Variants in TGFBR3 observed in about 807,000 individuals in gnomAD.
The protein encoded by TGFBR3 is transforming growth factor beta receptor 3.
TGFBR3 carries 46 observed loss-of-function variants against 87.9 expected under a neutral mutation model. The ratio of observed to expected loss-of-function variants is 0.52; its 90% confidence interval spans 0.41 to 0.67. The LOEUF (loss-of-function observed/expected upper bound fraction) is 0.67. Ranked by LOEUF, TGFBR3 falls within the 30% of genes least tolerant of loss-of-function variation. TGFBR3 has a pLI of 0.00. For synonymous variants in TGFBR3, 381 were observed against 391.6 expected, an observed-to-expected ratio of 0.97 and a Z score of 0.32; for missense variants, 866 against 1,041.9, an observed-to-expected ratio of 0.83 and a Z score of 2.32.
chr1:91,774,724 G>A (rs556306925), intron 3 of TGFBR3, among the ~76,000 whole-genome samples: 6 of 152,240 alleles, frequency 3.9e-5, no homozygotes, highest in African/African-American at 1.4e-4. Flanking sequence ...AGGGCAACAG[G>A]CAATGTGTTA....
At chr1:91,792,738 G>A (rs577076525) in intron 3 of TGFBR3, among the ~76,000 whole-genome samples, 2 of 152,300 alleles carry the variant, frequency 1.3e-5, no homozygotes, top group East Asian at 3.9e-4. Context: ...ACACAAGGGG[G>A]CGGCTGCATT....
chr1:91,787,230 G>A (rs1675003385), intron 3 of TGFBR3, among the ~76,000 whole-genome samples: 1 of 152,110 alleles, frequency 6.6e-6, no homozygotes, highest in South Asian at 2.1e-4. Context: ...GAACCCAGGA[G>A]GCGGAGGTTG....
chr1:91,886,896 AACGTCCTAAGTACCTGTGCCTGTGCG>A (rs948611348), upstream of TGFBR3, among the ~76,000 whole-genome samples: 22 of 152,250 alleles, frequency 1.4e-4, no homozygotes, highest in Middle Eastern at 3.4e-3. Context: ...TCGGCGGGGC[AACGTCCTAAGTACCTGTGCCTGTGCG>A]ACGTCCTAAG....
intron 2 of TGFBR3, among the ~76,000 whole-genome samples, chr1:91,853,789 A>G (rs1363518555): frequency 6.6e-6 from 1 of 152,198 alleles, no homozygotes; most frequent in East Asian, 1.9e-4. Flanking sequence ...CAAGGCGGGC[A>G]GATCACAAGG....
At chr1:91,708,055 T>A (rs1435204708) in intron 14 of TGFBR3, among the ~76,000 whole-genome samples, 6 of 152,242 alleles carry the variant, frequency 3.9e-5, no homozygotes, top group African/African-American at 1.2e-4. Flanking sequence ...GGCACAGCCT[T>A]CCTTTTCTCA....
Position 91,793,697 on chromosome 1 carries a change from T to A in TGFBR3, c.246+3590A>T, listed in dbSNP as rs182963003. ...GGCATATGCCTGTAATCCCAGCTAC[T>A]CAGGTGGCTGAGGCATGAGAATTGC... On this transcript the variant is annotated intron_variant, in intron 3 of 16. Transcript: ENST00000212355. Among the ~76,000 whole-genome samples the A allele has an allele frequency of 2.8e-4, 42 of 150,796 alleles. No homozygotes were observed. In the East Asian group the frequency reaches 6.7e-3, roughly 24 times the overall value.
rs781269907 is a variant in TGFBR3, at chr1:91,720,090, G to C, written c.1216C>G (p.Pro406Ala). 24 of 1,614,020 alleles carry C rather than the reference G, an allele frequency of 1.5e-5. No homozygotes were observed. In the Admixed American group the frequency reaches 3.3e-4, roughly 22 times the overall value. Reference sequence around the variant, plus strand: ...TTCCAGACTCTCCTGGAAATATCTGGGAAAGGAAACGGAAGGCCTCCATTT... The same window carrying C: ...TTCCAGACTCTCCTGGAAATATCTGCGAAAGGAAACGGAAGGCCTCCATTT... ...GQNGGLPFPFPDISRRVWNEE... is the reference protein window; with the variant it reads ...GQNGGLPFPFADISRRVWNEE... Residue 406 changes from proline to alanine, a missense_variant, in exon 9 of 17, where the codon CCA becomes GCA. Pro to Ala is a conservative substitution (Grantham distance 27). Coordinates refer to ENST00000212355, the MANE Select transcript of TGFBR3 (RefSeq NM_003243.5).
At chr1:91,769,382 T>C (rs930757902) in intron 3 of TGFBR3, among the ~76,000 whole-genome samples, 1 of 152,162 alleles carries the variant, frequency 6.6e-6, no homozygotes, top group Non-Finnish European at 1.5e-5. Context: ...GCTGGCATCC[T>C]TGGACTCGGC....
At chr1:91,850,706 G>A (rs1422552296) in intron 2 of TGFBR3, among the ~76,000 whole-genome samples, 2 of 150,996 alleles carry the variant, frequency 1.3e-5, no homozygotes, top group South Asian at 4.2e-4. Flanking sequence ...TCTTGAGCCT[G>A]GGAGGTTGAG....
rs2480707 is a variant in TGFBR3 at position 91,799,880 on chromosome 1, A to T, written c.62-2409T>A. 6.3e-3 allele frequency among the ~76,000 whole-genome samples: 963 copies of T among 152,230 alleles called. 7 individuals are homozygous for T. Among genetic ancestry groups the T allele is most frequent in the African/African-American group, 0.022 (917 of 41,554 alleles). On this transcript the variant is annotated intron_variant, in intron 2 of 16. Transcript: ENST00000212355. ...TAAGGTACTCCCAAAGAGGGAGGGA[A>T]CTAGTGCCAGGAAGCCTTCAGTGCT...
chr1:91,686,208 T>C (rs1348039223), intron 16 of TGFBR3, among the ~76,000 whole-genome samples: 1 of 152,226 alleles, frequency 6.6e-6, no homozygotes, highest in Non-Finnish European at 1.5e-5. Flanking sequence ...CCTGAATATC[T>C]GCTTTCCGAT....
chr1:91,711,020 T>C (rs1413612089), intron 13 of TGFBR3, among the ~76,000 whole-genome samples: 3 of 152,184 alleles, frequency 2.0e-5, no homozygotes, highest in Non-Finnish European at 2.9e-5. Context: ...CAAAGATCCC[T>C]GGTAACTGCT....
chr1:91,870,750 A>T (rs967213912), intron 1 of TGFBR3, among the ~76,000 whole-genome samples: 2 of 152,220 alleles, frequency 1.3e-5, no homozygotes, highest in African/African-American at 4.8e-5. Context: ...TAATCCCAGC[A>T]CTTTGGGAGG....
At chr1:91,797,143 C>T in intron 3 of TGFBR3, 144 bp downstream of exon 3, 1 of 950,764 alleles carries the variant, frequency 1.1e-6, no homozygotes, top group Non-Finnish European at 1.7e-6. Context: ...ATCCAGACAG[C>T]AGCTGGTATT....
chr1:91,859,705 C>T (rs1357757603), intron 2 of TGFBR3, among the ~76,000 whole-genome samples: 1 of 152,012 alleles, frequency 6.6e-6, no homozygotes, highest in Non-Finnish European at 1.5e-5. Context: ...GCCAGGAGAT[C>T]GAGACCAGCC....
intron 1 of TGFBR3, among the ~76,000 whole-genome samples, chr1:91,872,054 A>G (rs1678598183): frequency 6.6e-6 from 1 of 152,182 alleles, no homozygotes; most frequent in Non-Finnish European, 1.5e-5. Context: ...TCAATGTGAT[A>G]CCTTTGAATC....
At chr1:91,789,906 G>A (rs549254440) in intron 3 of TGFBR3, among the ~76,000 whole-genome samples, 1 of 152,304 alleles carries the variant, frequency 6.6e-6, no homozygotes, top group South Asian at 2.1e-4. Flanking sequence ...ATTGCATTGA[G>A]TGTCTTCAAG....
At chr1:91,714,626 G>A (rs182897409) in intron 12 of TGFBR3, among the ~76,000 whole-genome samples, 285 of 152,216 alleles carry the variant, frequency 1.9e-3, no homozygotes, top group Non-Finnish European at 3.3e-3. Context: ...AAATATCCAG[G>A]GTAAGGTACA....
chr1:91,804,536 G>A (rs1445076090), intron 2 of TGFBR3, among the ~76,000 whole-genome samples: 1 of 152,098 alleles, frequency 6.6e-6, no homozygotes, highest in Non-Finnish European at 1.5e-5. Flanking sequence ...ACAATGCCAG[G>A]GCCAGCTCCA....
Sources: gnomAD v4.1 joint callset for allele counts (sites outside exome capture counted in the v4.1 genomes callset) on GRCh38, gnomAD v4.1.1 for gene constraint, MANE v1.5 for transcripts, NCBI Gene and HGNC (gene_info 2026-07-23, HGNC 2026-07-21) for gene names.